Variants in NIPAL3 observed in about 807,000 individuals in gnomAD.
The protein encoded by NIPAL3 is NIPA like domain containing 3.
NIPAL3 carries 41 observed loss-of-function variants against 47.2 expected under a neutral mutation model. The observed-to-expected ratio is 0.87, with a 90% CI of 0.68 to 1.13. The LOEUF is 1.13. Ranked by LOEUF, NIPAL3 falls within the 50% of genes most tolerant of loss-of-function variation. The pLI, the probability that NIPAL3 is intolerant of heterozygous loss-of-function variation, is 0.00. For synonymous variants in NIPAL3, 194 were observed against 209.6 expected, an observed-to-expected ratio of 0.93 and a Z score of 0.64; for missense variants, 449 against 530.1, an observed-to-expected ratio of 0.85 and a Z score of 1.50.
In NIPAL3 at chr1:24,426,092, C is replaced by T. The variant is rs115862241; in HGVS notation, c.93+6452C>T. On this transcript the variant is annotated intron_variant, in intron 2 of 11. Coordinates refer to ENST00000374399, the MANE Select transcript of NIPAL3 (RefSeq NM_020448.5). ...CCCATTTTACCTGTGACGAAACTGG[C>T]GCAGAGAGGTTAATTAACTTGCCCA... Among the ~76,000 whole-genome samples the T allele has an allele frequency of 3.5e-3, 539 of 152,272 alleles. 1 individual carries two copies. Among genetic ancestry groups the T allele is most frequent in the African/African-American group, 0.012 (504 of 41,530 alleles).
intron 7 of NIPAL3, among the ~76,000 whole-genome samples, chr1:24,455,525 A>C (rs1198680033): frequency 6.6e-6 from 1 of 152,232 alleles, no homozygotes. Context: ...GTTTTTAAAA[A>C]TACAAGTGAC....
At chr1:24,456,387 T>G in intron 8 of NIPAL3, 114 bp downstream of exon 8, 1 of 1,426,660 alleles carries the variant, frequency 7.0e-7, no homozygotes, top group Non-Finnish European at 9.7e-7. Context: ...CCCCAGGGCC[T>G]GGCATCCAGC....
At position 24,469,090 on chromosome 1, in the gene NIPAL3, G is replaced by A. The variant is rs747947177; in HGVS notation, c.1126G>A (p.Ala376Thr). The change falls in exon 12 of 12, where the codon GCT becomes ACT. Residue 376 changes from alanine to threonine, a missense_variant. By Grantham distance (58) the Ala-to-Thr change is moderately conservative. Transcript: ENST00000374399. ...ENNDNISEIY[A>T]PATLPVMQEE... ...CAATGACAACATTTCTGAGATCTAC[G>A]CTCCTGCCACCCTGCCAGTCATGCA... is the stretch of plus-strand genomic sequence containing the variant. 23 of 1,613,658 alleles carry A rather than the reference G, an allele frequency of 1.4e-5. 1 individual carries two copies. The South Asian group carries it at 1.9e-4, about 13-fold the overall frequency.
In NIPAL3 at chr1:24,419,369, G is replaced by A. The variant is rs1644207228; in HGVS notation, c.-179G>A. ...GGAAATTGGCACTTCTCTGAGTGAA[G>A]CTGAGGAGAAGGCTGTAAATCTGCC... On this transcript the variant is annotated 5_prime_UTR_variant, in exon 2 of 12. Transcript: ENST00000374399. 7.6e-7 allele frequency: 1 copy of A among 1,314,218 alleles called. No homozygotes were observed. The highest frequency in any genetic ancestry group is 1.5e-5 in the African/African-American group (1 of 65,366). The allele number at this position is 1,314,218 out of a possible 1,614,324, so 81.4% of individuals were successfully genotyped here.
At chr1:24,466,099 G>A (rs770233643) in intron 11 of NIPAL3, 1 of 1,608,740 alleles carries the variant, frequency 6.2e-7, no homozygotes, top group Non-Finnish European at 8.5e-7. Flanking sequence ...AGTAATTCAA[G>A]CACCTGAAAG....
chr1:24,427,800 A>G (rs1273124103), intron 2 of NIPAL3, among the ~76,000 whole-genome samples: 3 of 152,316 alleles, frequency 2.0e-5, no homozygotes, highest in Admixed American at 6.5e-5. Context: ...CATAGTAACT[A>G]TCGGGGATCA....
intron 2 of NIPAL3, among the ~76,000 whole-genome samples, chr1:24,431,525 A>T (rs1211453381): frequency 6.6e-6 from 1 of 152,162 alleles, no homozygotes; most frequent in African/African-American, 2.4e-5. Flanking sequence ...CTATCTTTTT[A>T]AAATTTATTT....
intron 10 of NIPAL3, among the ~76,000 whole-genome samples, chr1:24,461,847 G>C (rs1465795281): frequency 6.6e-6 from 1 of 151,152 alleles, no homozygotes; most frequent in African/African-American, 2.4e-5. Flanking sequence ...CCTGGACAAT[G>C]AGAGCATAAG....
intron 2 of NIPAL3, among the ~76,000 whole-genome samples, chr1:24,437,226 T>G (rs1000129929): frequency 1.3e-5 from 2 of 152,194 alleles, no homozygotes; most frequent in Non-Finnish European, 2.9e-5. Flanking sequence ...CACTCCAGCC[T>G]GGGCGACAGA....
At chr1:24,439,252 T>A (rs976507034) in intron 2 of NIPAL3, among the ~76,000 whole-genome samples, 1 of 152,152 alleles carries the variant, frequency 6.6e-6, no homozygotes, top group Non-Finnish European at 1.5e-5. Context: ...AGCAAAGCAA[T>A]GATATAAAAT....
intron 1 of NIPAL3, 127 bp from the exon 2 acceptor site, chr1:24,419,164 T>C: frequency 3.0e-6 from 1 of 335,602 alleles, no homozygotes; most frequent in African/African-American, 2.2e-5. Flanking sequence ...TTGAAGAATT[T>C]TTTTAATGGA....
At position 24,416,182 on chromosome 1, in the gene NIPAL3, C is replaced by A. The variant is rs988636035; in HGVS notation, c.-258+278C>A. On this transcript the variant is annotated intron_variant, in intron 1 of 11. Coordinates refer to ENST00000374399, the MANE Select transcript of NIPAL3 (RefSeq NM_020448.5). This position sits in a 1 kb window ranked among gnomAD's most constrained non-coding sequence, Gnocchi z 4.8. ...TAACTTTGCCAGAATTTCTCCTCTT[C>A]GTGCCGAGCGGCTCGGGCTTCCTGG... 6.1e-6 allele frequency: 6 copies of A among 985,580 alleles called. No individual in the cohort carries two copies. Among genetic ancestry groups the A allele is most frequent in the African/African-American group, 3.5e-5 (2 of 57,238 alleles). 61.1% of individuals were successfully genotyped at this position (985,580 alleles called of 1,614,324 possible). A position where few individuals can be genotyped will look rare whatever the true frequency, so the allele number is the denominator to read the frequency against.
At chr1:24,431,531 T>C (rs1469316050) in intron 2 of NIPAL3, among the ~76,000 whole-genome samples, 2 of 152,164 alleles carry the variant, frequency 1.3e-5, no homozygotes, top group African/African-American at 4.8e-5. Flanking sequence ...TTTTAAAATT[T>C]ATTTTATGAC....
chr1:24,461,603 G>A lies in NIPAL3; in HGVS notation c.926+1059G>A, dbSNP rs377165701. Among the ~76,000 whole-genome samples the A allele has an allele frequency of 8.1e-4, 119 of 147,810 alleles. 2 individuals are homozygous for A. The Middle Eastern group carries it at 0.011, about 14-fold the overall frequency. On this transcript the variant is annotated intron_variant, in intron 10 of 11. Transcript: ENST00000374399. ...TGGCCTTGGCCGGGTGCAGTGGCTC[G>A]TGCCTATAATTCCAGCACTTTGGGA... is the stretch of plus-strand genomic sequence containing the variant.
chr1:24,456,229 C>T lies in NIPAL3; in HGVS notation c.729C>T (p.Tyr243=), dbSNP rs751012716. Residue 243 remains tyrosine, a synonymous_variant, in exon 8 of 12, where the codon TAC becomes TAT. Coordinates refer to ENST00000374399, the MANE Select transcript of NIPAL3 (RefSeq NM_020448.5). Reference sequence around the variant, plus strand: ...TGCAGCTTGACTACCCCATCTTCTACGTGATGTTCGTGTGCATGGTGGCAA... The same window carrying T: ...TGCAGCTTGACTACCCCATCTTCTATGTGATGTTCGTGTGCATGGTGGCAA... ...GNLQLDYPIF[Y]VMFVCMVATA... 15 of 1,614,108 alleles carry T rather than the reference C, an allele frequency of 9.3e-6. No individual in the cohort carries two copies. The East Asian group carries it at 1.3e-4, about 14-fold the overall frequency.
At chr1:24,442,274 T>C (rs1209555250) in intron 4 of NIPAL3, 48 bp downstream of exon 4, 1 of 1,590,080 alleles carries the variant, frequency 6.3e-7, no homozygotes, top group Admixed American at 1.7e-5. Flanking sequence ...CCCAGCTGCG[T>C]GACCAGAGTG....
rs1244441624 is a variant in NIPAL3 at position 24,442,195 on chromosome 1, C to T, written c.303C>T (p.Leu101=). The stretch of plus-strand genomic sequence containing the variant: ...CCTACGCCTTCGCGCCGCTGTCACT[C>T]ATCGTGCCCCTCAGCGCAGTTTCTG... ...FASYAFAPLS[L]IVPLSAVSVI... is the part of the protein sequence containing the mutation. Residue 101 remains leucine (L), a synonymous_variant, in exon 4 of 12, where the codon CTC becomes CTT. Transcript: ENST00000374399. 1.9e-6 allele frequency: 3 copies of T among 1,614,152 alleles called. No homozygotes were observed. Among genetic ancestry groups the T allele is most frequent in the Non-Finnish European group, 2.5e-6 (3 of 1,180,022 alleles).
chr1:24,457,291 C>T (rs1412635681), intron 8 of NIPAL3, among the ~76,000 whole-genome samples: 1 of 152,206 alleles, frequency 6.6e-6, no homozygotes, highest in East Asian at 1.9e-4. Flanking sequence ...AAATAAAAGG[C>T]AGCAGCCTGA....
At chr1:24,433,926 C>T (rs1369597904) in intron 2 of NIPAL3, among the ~76,000 whole-genome samples, 1 of 151,828 alleles carries the variant, frequency 6.6e-6, no homozygotes, top group Non-Finnish European at 1.5e-5. Flanking sequence ...ATCAGCACAG[C>T]CATTAAGAAA....
Sources: allele counts gnomAD v4.1 joint callset (sites outside exome capture counted in the v4.1 genomes callset), GRCh38; gene constraint gnomAD v4.1.1; non-coding constraint Gnocchi (gnomAD v3.1); transcripts MANE v1.5; gene names NCBI Gene and HGNC (gene_info 2026-07-23, HGNC 2026-07-21).